Variants in PEMT observed in about 807,000 individuals in gnomAD.
The protein encoded by PEMT is phosphatidylethanolamine N-methyltransferase, also known as phospholipid methyltransferase.
A neutral mutation model predicts 27.4 loss-of-function variants in PEMT; 23 were observed. That is an observed-to-expected ratio of 0.84 (90% CI 0.60 to 1.19). The LOEUF is 1.19. Among genes scored for constraint, PEMT ranks in the 50% most tolerant of loss-of-function variants. The pLI is 0.00. For missense variants in PEMT, 307 were observed against 310.1 expected, an observed-to-expected ratio of 0.99 and a Z score of 0.07; for synonymous variants, 137 against 139.1, an observed-to-expected ratio of 0.98 and a Z score of 0.11.
intron 2 of PEMT, among the ~76,000 whole-genome samples, chr17:17,554,911 C>T (rs763292590): frequency 5.9e-5 from 9 of 152,112 alleles, no homozygotes; most frequent in East Asian, 1.9e-4. Context: ...CCATCGCGCC[C>T]GGCCAGCAGA....
chr17:17,543,762 C>T (rs944204677), intron 2 of PEMT, among the ~76,000 whole-genome samples: 9 of 152,304 alleles, frequency 5.9e-5, no homozygotes, highest in African/African-American at 2.2e-4. Context: ...AGGGTTTCAC[C>T]ATGTTGGCCA....
chr17:17,527,433 G>C (rs1907753110), intron 2 of PEMT, among the ~76,000 whole-genome samples: 2 of 152,198 alleles, frequency 1.3e-5, no homozygotes, highest in African/African-American at 4.8e-5. Flanking sequence ...TGCCCAGCAG[G>C]GCAGCTCGTG....
intron 2 of PEMT, among the ~76,000 whole-genome samples, chr17:17,526,739 GACT>G (rs1253955956): frequency 2.6e-5 from 4 of 152,206 alleles, no homozygotes; most frequent in African/African-American, 9.7e-5. Context: ...GGTGTCCTTG[GACT>G]CAGAGGTTGT....
At chr17:17,529,192 G>A (rs371783227) in intron 2 of PEMT, among the ~76,000 whole-genome samples, 5 of 152,172 alleles carry the variant, frequency 3.3e-5, no homozygotes, top group East Asian at 3.8e-4. Context: ...CTCTGCACAC[G>A]CTAGGCCCAG....
In PEMT at chr17:17,582,214, G is replaced by C; in HGVS notation, c.97-5187C>G. The C allele has an allele frequency of 2.1e-6, 2 of 956,944 alleles. No homozygotes were observed. Among genetic ancestry groups the C allele is most frequent in the Non-Finnish European group, 2.5e-6 (2 of 803,906 alleles). The allele number at this position is 956,944 out of a possible 1,614,324, so 59.3% of individuals were successfully genotyped here. A position where few individuals can be genotyped will look rare whatever the true frequency, so the allele number is the denominator to read the frequency against. The stretch of plus-strand genomic sequence containing the variant: ...AATTCTAATGGAACCCCCACTCCAA[G>C]GCTCCAGGTTGCAGAGGCCTCGGAA... On this transcript the variant is annotated intron_variant, in intron 1 of 6. Transcript: ENST00000255389. This position sits in a 1 kb window ranked among gnomAD's most constrained non-coding sequence, Gnocchi z 4.9.
In PEMT at chr17:17,522,486, G is replaced by A. The variant is rs540666068; in HGVS notation, c.205-91C>T. 1.4e-5 allele frequency: 11 copies of A among 805,936 alleles called. No homozygotes were observed. In the African/African-American group the frequency reaches 1.7e-4, roughly 12 times the overall value. The allele number at this position is 805,936 out of a possible 1,614,324, so 49.9% of individuals were successfully genotyped here. A position where few individuals can be genotyped will look rare whatever the true frequency, so the allele number is the denominator to read the frequency against. On this transcript the variant is annotated intron_variant, in intron 2 of 6. Coordinates refer to ENST00000255389, the MANE Select transcript of PEMT (RefSeq NM_148172.3). ...GCACATGCCTCTCTCTGCTTCCCAG[G>A]CTCCAAAGCCCCCATTTCCAAAGAA...
chr17:17,555,254 AG>A (rs1411870323), intron 2 of PEMT, among the ~76,000 whole-genome samples: 18 of 152,048 alleles, frequency 1.2e-4, no homozygotes. Context: ...GGCGACACGG[AG>A]GGATGGGGCC....
In PEMT at chr17:17,554,154, CTGTTTCTCTCACAGACATACCT is replaced by C. The variant is rs1464369362; in HGVS notation, c.204+22744_204+22765del. Among the ~76,000 whole-genome samples the C allele has an allele frequency of 9.8e-5, 15 of 152,378 alleles. No individual in the cohort carries two copies. The East Asian group carries it at 2.9e-3, about 29-fold the overall frequency. ...CACCTGCTCCGTTCTGTCCTCTTGT[CTGTTTCTCTCACAGACATACCT>C]TGTGCAGAGAAGGTGTTTGGTTTTC... On this transcript the variant is annotated intron_variant, in intron 2 of 6. Coordinates refer to ENST00000255389, the MANE Select transcript of PEMT (RefSeq NM_148172.3).
At chr17:17,542,170 G>A (rs984852118) in intron 2 of PEMT, among the ~76,000 whole-genome samples, 2 of 152,020 alleles carry the variant, frequency 1.3e-5, no homozygotes, top group Non-Finnish European at 1.5e-5. Context: ...TAGTAGAGAC[G>A]GGATTTCACC....
At chr17:17,547,796 G>C (rs890481124) in intron 2 of PEMT, among the ~76,000 whole-genome samples, 6 of 152,192 alleles carry the variant, frequency 3.9e-5, no homozygotes, top group African/African-American at 1.4e-4. Context: ...ACTGAAAGCA[G>C]GTTTATCTCG....
chr17:17,538,506 G>A (rs1026174328), intron 2 of PEMT, among the ~76,000 whole-genome samples: 9 of 152,020 alleles, frequency 5.9e-5, no homozygotes, highest in African/African-American at 1.9e-4. Context: ...AGTGAGCTTG[G>A]ATTACACCAT....
At chr17:17,511,206 G>A (rs1475144964) in intron 4 of PEMT, among the ~76,000 whole-genome samples, 1 of 152,032 alleles carries the variant, frequency 6.6e-6, no homozygotes, top group Non-Finnish European at 1.5e-5. Flanking sequence ...CCCTCTCCTT[G>A]CACCAAGGCT....
At chr17:17,509,869 T>C (rs1234340480) in intron 4 of PEMT, among the ~76,000 whole-genome samples, 1 of 152,150 alleles carries the variant, frequency 6.6e-6, no homozygotes, top group Admixed American at 6.5e-5. Context: ...CTGCGATGCC[T>C]TTCCCTGCTC....
At chr17:17,576,281 G>A (rs1911580514) in intron 2 of PEMT, among the ~76,000 whole-genome samples, 1 of 152,186 alleles carries the variant, frequency 6.6e-6, no homozygotes, top group South Asian at 2.1e-4. Flanking sequence ...AGGGCCCAGA[G>A]CCCACTTCCC....
intron 1 of PEMT, among the ~76,000 whole-genome samples, chr17:17,577,743 C>A (rs191350567): frequency 1.5e-4 from 23 of 151,886 alleles, no homozygotes; most frequent in Non-Finnish European, 3.1e-4. Context: ...GTCGGCCGGG[C>A]GCGGTGGCTC....
rs70959692 is a variant in PEMT at position 17,575,419 on chromosome 17, T to C, written c.204+1501A>G. Among the ~76,000 whole-genome samples the C allele has an allele frequency of 8.6e-3, 1,313 of 152,372 alleles. 22 individuals carry two copies. The highest frequency in any genetic ancestry group is 0.029 in the African/African-American group (1,211 of 41,584). On this transcript the variant is annotated intron_variant, in intron 2 of 6. Transcript: ENST00000255389. ...GACCTTCACAGGATGTGGACGTCTTTGCAGGACCATTTTTCAGCCTCCAAA... is the reference window on the plus strand; with the variant it reads ...GACCTTCACAGGATGTGGACGTCTTCGCAGGACCATTTTTCAGCCTCCAAA...
intron 1 of PEMT, among the ~76,000 whole-genome samples, chr17:17,589,085 C>T (rs889465003): frequency 2.0e-5 from 3 of 152,224 alleles, no homozygotes; most frequent in Non-Finnish European, 4.4e-5. Context: ...CTCAGCCTCC[C>T]GAGTAGCTGG....
chr17:17,555,724 C>T (rs1401715117), intron 2 of PEMT, among the ~76,000 whole-genome samples: 1 of 152,170 alleles, frequency 6.6e-6, no homozygotes, highest in Non-Finnish European at 1.5e-5. Context: ...TCACGATCAT[C>T]CCAGGGCCCA....
At position 17,513,906 on chromosome 17, in the gene PEMT, A is replaced by G. The variant is rs939868198; in HGVS notation, c.321-1252T>C. Among the ~76,000 whole-genome samples the G allele has an allele frequency of 6.6e-6, 1 of 152,144 alleles. No homozygotes were observed. The highest frequency in any genetic ancestry group is 6.5e-5 in the Admixed American group (1 of 15,280). Reference sequence around the variant, plus strand: ...CACAGAAGAGACATGGAGATCTGCTACCTCACGCAGGGCAGCGCCTTTCAC... The same window carrying G: ...CACAGAAGAGACATGGAGATCTGCTGCCTCACGCAGGGCAGCGCCTTTCAC... On this transcript the variant is annotated intron_variant, in intron 3 of 6. Transcript: ENST00000255389. This position sits in a 1 kb window ranked among gnomAD's most constrained non-coding sequence, Gnocchi z 4.1.
Sources: gnomAD v4.1 joint callset for allele counts (sites outside exome capture counted in the v4.1 genomes callset) on GRCh38, gnomAD v4.1.1 for gene constraint, Gnocchi (gnomAD v3.1) non-coding constraint, MANE v1.5 for transcripts, NCBI Gene and HGNC (gene_info 2026-07-23, HGNC 2026-07-21) for gene names.